Variants in AGPAT5 observed in about 807,000 individuals in gnomAD.
The protein encoded by AGPAT5 is 1-acyl-sn-glycerol-3-phosphate acyltransferase epsilon.
AGPAT5 carries 46 observed loss-of-function variants against 45.6 expected under a neutral mutation model. The ratio of observed to expected loss-of-function variants is 1.01; its 90% CI spans 0.80 to 1.29. The LOEUF (loss-of-function observed/expected upper bound fraction) is 1.29, where lower values mean the gene tolerates loss of function less well. Ranked by LOEUF, AGPAT5 falls within the 50% of genes most tolerant of loss-of-function variation. The pLI, the probability that AGPAT5 is intolerant of heterozygous loss-of-function variation, is 0.00. For synonymous variants in AGPAT5, 272 were observed against 167.0 expected (o/e 1.63, Z -4.85); for missense variants, 673 against 450.7 (o/e 1.49, Z -4.47).
Position 6,730,787 on chromosome 8 carries a change from G to A in AGPAT5, c.366G>A (p.Gly122=). 6.2e-7 allele frequency: 1 copy of A among 1,613,356 alleles called. No individual in the cohort carries two copies. Among genetic ancestry groups the A allele is most frequent in the Non-Finnish European group, 8.5e-7 (1 of 1,179,538 alleles). Residue 122 remains glycine, a synonymous_variant, in exon 3 of 8, where the codon GGG becomes GGA. Transcript: ENST00000285518. ...LGHVRYVLKE[G]LKWLPLYGCY... Reference sequence around the variant, plus strand: ...ATGTGCGCTACGTGCTGAAAGAAGGGTTAAAATGGCTGCCATTGTATGGGT... The same window carrying A: ...ATGTGCGCTACGTGCTGAAAGAAGGATTAAAATGGCTGCCATTGTATGGGT...
intron 5 of AGPAT5, among the ~76,000 whole-genome samples, chr8:6,744,029 A>C (rs977790063): frequency 6.6e-6 from 1 of 152,146 alleles, no homozygotes; most frequent in African/African-American, 2.4e-5. Context: ...TAACTGAATA[A>C]AAATTATTTT....
chr8:6,717,479 T>G (rs1250318165), intron 1 of AGPAT5, among the ~76,000 whole-genome samples: 1 of 152,156 alleles, frequency 6.6e-6, no homozygotes, highest in African/African-American at 2.4e-5. Context: ...ACTGACAAAA[T>G]ACATAGTCTC....
Position 6,724,883 on chromosome 8 carries a change from G to T in AGPAT5, c.233G>T (p.Gly78Val). Reference protein sequence around the residue: ...NYTGVQILLYGDLPKNKENII... With the variant: ...NYTGVQILLYVDLPKNKENII... ...TTTATCTTTTAGATATTGCTATATG[G>T]AGATTTGCCAAAAAATAAAGAAAAT... The change falls in exon 2 of 8, where the codon GGA (glycine) becomes GTA (valine). Residue 78 changes from glycine to valine, a missense_variant. Gly to Val is a moderately radical substitution (Grantham distance 109). Transcript: ENST00000285518. 9.0e-7 allele frequency: 1 copy of T among 1,107,296 alleles called. No homozygotes were observed. Among genetic ancestry groups the T allele is most frequent in the South Asian group, 2.5e-5 (1 of 40,268 alleles). The allele number at this position is 1,107,296 out of a possible 1,614,324, so 68.6% of individuals were successfully genotyped here. A position where few individuals can be genotyped will look rare whatever the true frequency, so the allele number is the denominator to read the frequency against.
Position 6,724,910 on chromosome 8 carries a change from T to C in AGPAT5, c.260T>C (p.Ile87Thr). The change falls in exon 2 of 8, where the codon ATA (isoleucine) becomes ACA (threonine). Residue 87 changes from isoleucine to threonine, a missense_variant. Transcript: ENST00000285518. ...GATTTGCCAAAAAATAAAGAAAATA[T>C]AATATATTTAGCAAATCATCAAAGC... The part of the protein sequence containing the change: ...YGDLPKNKEN[I>T]IYLANHQSTV... 8.6e-7 allele frequency: 1 copy of C among 1,168,778 alleles called. No individual in the cohort carries two copies. The highest frequency in any genetic ancestry group is 2.4e-5 in the South Asian group (1 of 41,618). 72.4% of individuals were successfully genotyped at this position (1,168,778 alleles called of 1,614,324 possible).
intron 1 of AGPAT5, among the ~76,000 whole-genome samples, chr8:6,716,864 G>A (rs555897600): frequency 1.3e-5 from 2 of 152,094 alleles, no homozygotes; most frequent in East Asian, 3.9e-4. Context: ...ACAAAACAGA[G>A]AGAAAAGGCA....
intron 4 of AGPAT5, among the ~76,000 whole-genome samples, chr8:6,736,971 T>C (rs890658776): frequency 6.6e-6 from 1 of 152,256 alleles, no homozygotes; most frequent in Non-Finnish European, 1.5e-5. Flanking sequence ...TTGCTTAATT[T>C]CAGTCTTAAC....
intron 1 of AGPAT5, among the ~76,000 whole-genome samples, chr8:6,715,376 G>C (rs890680281): frequency 7.9e-5 from 12 of 152,156 alleles, no homozygotes; most frequent in Non-Finnish European, 1.2e-4. Flanking sequence ...AGATTGAAAA[G>C]AATTCCAAAT....
In AGPAT5 at chr8:6,708,782, C is replaced by G. The variant is rs148992897; in HGVS notation, c.114C>G (p.Leu38=). The G allele has an allele frequency of 4.4e-6, 7 of 1,609,074 alleles. No individual in the cohort carries two copies. The highest frequency in any genetic ancestry group is 1.3e-5 in the African/African-American group (1 of 74,896). Reference sequence around the variant, plus strand: ...TGGCCTGGGGGGTCTGGCGGCTGCTCTCCGCCTTCCTGCCCGCCCGCTTCT... The same window carrying G: ...TGGCCTGGGGGGTCTGGCGGCTGCTGTCCGCCTTCCTGCCCGCCCGCTTCT... ...YVLAWGVWRL[L]SAFLPARFYQ... The change falls in exon 1 of 8, where the codon CTC becomes CTG. Residue 38 remains leucine (L), a synonymous_variant. Coordinates refer to ENST00000285518, the MANE Select transcript of AGPAT5 (RefSeq NM_018361.5).
At chr8:6,714,633 C>T (rs893217290) in intron 1 of AGPAT5, among the ~76,000 whole-genome samples, 9 of 152,218 alleles carry the variant, frequency 5.9e-5, no homozygotes, top group Admixed American at 1.3e-4. Flanking sequence ...TCCTACACTG[C>T]GTACACCTTT....
At chr8:6,717,810 C>T (rs998264851) in intron 1 of AGPAT5, among the ~76,000 whole-genome samples, 4 of 150,814 alleles carry the variant, frequency 2.7e-5, no homozygotes, top group Admixed American at 6.6e-5. Context: ...CTTGTAATTC[C>T]GTAGTTGATA....
At chr8:6,731,698 C>T (rs888161539) in intron 3 of AGPAT5, among the ~76,000 whole-genome samples, 2 of 151,438 alleles carry the variant, frequency 1.3e-5, no homozygotes, top group South Asian at 2.1e-4. Context: ...ATTTGATAGG[C>T]AATTACATTA....
intron 5 of AGPAT5, 141 bp downstream of exon 5, chr8:6,741,892 CT>C: frequency 1.6e-6 from 1 of 615,556 alleles, no homozygotes; most frequent in Non-Finnish European, 2.8e-6. Context: ...CATATTATCT[CT>C]TAGGAAATGA....
Position 6,760,998 on chromosome 8 carries a change from T to A in AGPAT5, c.*3610T>A, listed in dbSNP as rs1802022801. On this transcript the variant is annotated 3_prime_UTR_variant, in exon 8 of 8. Coordinates refer to ENST00000285518, the MANE Select transcript of AGPAT5 (RefSeq NM_018361.5). ...TACTATCATCAATATTTGACATCTT[T>A]TCCAATTTGTGTATGAAAAGTAAAT... Among the ~76,000 whole-genome samples the A allele has an allele frequency of 6.6e-6, 1 of 152,218 alleles. No homozygotes were observed. Among genetic ancestry groups the A allele is most frequent in the African/African-American group, 2.4e-5 (1 of 41,442 alleles).
At chr8:6,719,748 T>C (rs1050550451) in intron 1 of AGPAT5, among the ~76,000 whole-genome samples, 1 of 152,234 alleles carries the variant, frequency 6.6e-6, no homozygotes, top group African/African-American at 2.4e-5. Flanking sequence ...GAAGATCATA[T>C]TAATGAAACG....
intron 4 of AGPAT5, 125 bp from the exon 5 acceptor site, chr8:6,741,536 A>G: frequency 1.7e-6 from 1 of 600,722 alleles, no homozygotes; most frequent in South Asian, 2.7e-5. Context: ...ACATGTAAAT[A>G]AATATACATT....
At chr8:6,737,014 T>C (rs1002993462) in intron 4 of AGPAT5, among the ~76,000 whole-genome samples, 1 of 152,250 alleles carries the variant, frequency 6.6e-6, no homozygotes, top group Non-Finnish European at 1.5e-5. Flanking sequence ...TTTAAAATAA[T>C]GTTATATCCA....
At chr8:6,753,797 T>G (rs1248876743) in intron 6 of AGPAT5, among the ~76,000 whole-genome samples, 1 of 152,268 alleles carries the variant, frequency 6.6e-6, no homozygotes, top group Admixed American at 6.5e-5. Flanking sequence ...TTTAGTGTTT[T>G]GCACATGTAT....
Position 6,708,642 on chromosome 8 carries a change from G to T in AGPAT5, c.-27G>T, listed in dbSNP as rs1390720039. On this transcript the variant is annotated 5_prime_UTR_variant, in exon 1 of 8. Transcript: ENST00000285518. Reference sequence around the variant, plus strand: ...CGGGAGGCGGGCGGGGAGCGCAGGCGGAGCTCGCTGCCGCCGAGCTGAGAA... The same window carrying T: ...CGGGAGGCGGGCGGGGAGCGCAGGCTGAGCTCGCTGCCGCCGAGCTGAGAA... The T allele has an allele frequency of 1.3e-6, 2 of 1,490,592 alleles. No homozygotes were observed. The highest frequency in any genetic ancestry group is 1.8e-6 in the Non-Finnish European group (2 of 1,120,848). The allele number at this position is 1,490,592 out of a possible 1,614,324, so 92.3% of individuals were successfully genotyped here. A position where few individuals can be genotyped will look rare whatever the true frequency, so the allele number is the denominator to read the frequency against.
At position 6,750,315 on chromosome 8, in the gene AGPAT5, C is replaced by T. The variant is rs568885425; in HGVS notation, c.745+2487C>T. On this transcript the variant is annotated intron_variant, in intron 6 of 7. Coordinates refer to ENST00000285518, the MANE Select transcript of AGPAT5 (RefSeq NM_018361.5). Reference sequence around the variant, plus strand: ...GTTGCATTGCCTGGGTTCCAACCTCCCACTGCCCTGCTTATCCTCTGCTAC... The same window carrying T: ...GTTGCATTGCCTGGGTTCCAACCTCTCACTGCCCTGCTTATCCTCTGCTAC... Among the ~76,000 whole-genome samples, 6 of 152,336 alleles carry T rather than the reference C, an allele frequency of 3.9e-5. No individual in the cohort carries two copies. The South Asian group carries it at 1.2e-3, about 32-fold the overall frequency.
Sources: allele counts gnomAD v4.1 joint callset (sites outside exome capture counted in the v4.1 genomes callset), GRCh38; gene constraint gnomAD v4.1.1; transcripts MANE v1.5; gene names NCBI Gene and HGNC (gene_info 2026-07-23, HGNC 2026-07-21).